The following GNE variants were observed in gnomAD, a reference collection of about 807,000 sequenced individuals.
GNE encodes bifunctional UDP-N-acetylglucosamine 2-epimerase/N-acetylmannosamine kinase.
GNE carries 41 observed loss-of-function variants against 61.8 expected under a neutral mutation model. That is an observed-to-expected ratio of 0.66 (90% CI 0.52 to 0.86). The LOEUF is 0.86. Among genes scored for constraint, GNE ranks in the 40% least tolerant of loss-of-function variants. The pLI, the probability that GNE is intolerant of heterozygous loss-of-function variation, is 0.00. For synonymous variants in GNE, 264 were observed against 326.4 expected, an observed-to-expected ratio of 0.81 and a Z score of 2.06; for missense variants, 608 against 909.1, an observed-to-expected ratio of 0.67 and a Z score of 4.26.
intron 1 of GNE, among the ~76,000 whole-genome samples, chr9:36,256,344 A>AAGCGATACTCCTATCTC (rs1442219726): frequency 2.1e-5 from 3 of 146,232 alleles, no homozygotes; most frequent in Non-Finnish European, 3.0e-5. Flanking sequence ...TCCTGGGTTC[A>AAGCGATACTCCTATCTC]AGCGATACTC....
chr9:36,240,472 C>T (rs180848679), intron 3 of GNE, among the ~76,000 whole-genome samples: 36 of 152,274 alleles, frequency 2.4e-4, no homozygotes, highest in African/African-American at 8.2e-4. Context: ...GACTTGTATA[C>T]ATTAAACCAT....
chr9:36,256,792 T>G (rs1009022959), intron 1 of GNE, among the ~76,000 whole-genome samples: 3 of 152,224 alleles, frequency 2.0e-5, no homozygotes, highest in Admixed American at 6.5e-5. Context: ...TGCCAAACAT[T>G]GTGCTAATAG....
intron 2 of GNE, among the ~76,000 whole-genome samples, chr9:36,247,361 TTTTTC>T (rs1450629253): frequency 6.6e-6 from 1 of 152,078 alleles, no homozygotes; most frequent in East Asian, 1.9e-4. Context: ...GGCCAAACCT[TTTTTC>T]TTTAAGAAAA....
intron 1 of GNE, among the ~76,000 whole-genome samples, chr9:36,257,178 C>G (rs1317145395): frequency 6.6e-6 from 1 of 152,148 alleles, no homozygotes; most frequent in East Asian, 1.9e-4. Flanking sequence ...TGAATGACTT[C>G]AGCGCTCAGA....
chr9:36,274,068 CTGTGTGTGTGTGTGTGTGTG>C (rs71336439), intron 1 of GNE, among the ~76,000 whole-genome samples: 98 of 142,310 alleles, frequency 6.9e-4, no homozygotes, highest in Middle Eastern at 3.6e-3. Flanking sequence ...GTCTATGGTA[CTGTGTGTGTGTGTGTGTGTG>C]TGTGTGTGTG....
chr9:36,237,644 A>C (rs1407335417), intron 3 of GNE, among the ~76,000 whole-genome samples: 1 of 111,900 alleles, frequency 8.9e-6, no homozygotes. Context: ...AGCTCCACTT[A>C]CTTTTTTTTT....
rs890802165 is a variant in GNE at position 36,217,259 on chromosome 9, G to A, written c.*106C>T. On this transcript the variant is annotated 3_prime_UTR_variant, in exon 12 of 12. Coordinates refer to ENST00000642385, the MANE Select transcript of GNE (RefSeq NM_005476.7). ...AAACATTTCTCTGCCAAAGTCACCT[G>A]CAGTTCAATACCAGATTTGATTGTT... 16 of 788,056 alleles carry A rather than the reference G, an allele frequency of 2.0e-5. No homozygotes were observed. Among genetic ancestry groups the A allele is most frequent in the Non-Finnish European group, 2.8e-5 (13 of 459,060 alleles). The allele number at this position is 788,056 out of a possible 1,614,324, so 48.8% of individuals were successfully genotyped here. A position where few individuals can be genotyped will look rare whatever the true frequency, so the allele number is the denominator to read the frequency against.
Position 36,236,814 on chromosome 9 carries a change from A to G in GNE, c.769+18T>C. ...TGGGAAAAGTAGGTGGCATAATTTC[A>G]TTTTCAAGTTCAATTACCTGCGTCA... is the stretch of plus-strand genomic sequence containing the variant. On this transcript the variant is annotated intron_variant, in intron 4 of 11. Transcript: ENST00000642385. 1 of 1,612,028 alleles carries G rather than the reference A, an allele frequency of 6.2e-7. No homozygotes were observed. The highest frequency in any genetic ancestry group is 8.5e-7 in the Non-Finnish European group (1 of 1,178,254).
At chr9:36,262,092 G>A (rs1292152368), upstream of GNE, among the ~76,000 whole-genome samples, 3 of 152,040 alleles carry the variant, frequency 2.0e-5, no homozygotes, top group African/African-American at 7.2e-5. Context: ...TTACATAGGT[G>A]TGTTTAGTTT....
At chr9:36,237,821 T>C (rs1048921869) in intron 3 of GNE, among the ~76,000 whole-genome samples, 4 of 151,190 alleles carry the variant, frequency 2.6e-5, no homozygotes, top group African/African-American at 9.7e-5. Context: ...CCTCCTACTC[T>C]TCCCCCCAAG....
chr9:36,276,159 C>T (rs993883977), intron 1 of GNE, among the ~76,000 whole-genome samples: 1 of 149,786 alleles, frequency 6.7e-6, no homozygotes. Context: ...GGTGACAGAG[C>T]AAGATCCTGT....
chr9:36,275,199 T>C (rs374060588), intron 1 of GNE, among the ~76,000 whole-genome samples: 44 of 152,218 alleles, frequency 2.9e-4, no homozygotes, highest in African/African-American at 9.9e-4. Context: ...CTGGGCTTTC[T>C]CTTCCGTCCT....
chr9:36,268,967 T>C (rs1290689010), intron 1 of GNE, among the ~76,000 whole-genome samples: 1 of 151,732 alleles, frequency 6.6e-6, no homozygotes, highest in Non-Finnish European at 1.5e-5. Context: ...CTATCTCTAC[T>C]AAAAATATAA....
At chr9:36,243,929 T>C (rs564874991) in intron 3 of GNE, among the ~76,000 whole-genome samples, 120 of 150,594 alleles carry the variant, frequency 8.0e-4, no homozygotes, top group African/African-American at 2.9e-3. Context: ...TCTTTTTCTT[T>C]CTGTGTTTTT....
At position 36,246,334 on chromosome 9, in the gene GNE, C is replaced by G. The variant is rs575704922; in HGVS notation, c.313G>C (p.Asp105His). 1 of 1,614,138 alleles carries G rather than the reference C, an allele frequency of 6.2e-7. No individual in the cohort carries two copies. Among genetic ancestry groups the G allele is most frequent in the East Asian group, 2.2e-5 (1 of 44,890 alleles). The change falls in exon 3 of 12, where the codon GAT becomes CAT. Residue 105 changes from aspartate to histidine, a missense_variant. Asp to His is a moderately conservative substitution (Grantham distance 81). Coordinates refer to ENST00000642385, the MANE Select transcript of GNE (RefSeq NM_005476.7). ...LPDVLNRLKP[D>H]IMIVHGDRFD... ...CTGTCTCCATGAACAATCATGATAT[C>G]AGGCTTCAGGCGATTAAGGACATCT...
intron 7 of GNE, 69 bp from the exon 8 acceptor site, chr9:36,223,571 C>A: frequency 1.3e-6 from 2 of 1,508,622 alleles, no homozygotes; most frequent in Non-Finnish European, 9.2e-7. Flanking sequence ...GTGTTGTGAT[C>A]TTTTTCATGA....
At chr9:36,217,724 C>T (rs1274262027) in intron 11 of GNE, 124 bp from the exon 12 acceptor site, 1 of 716,714 alleles carries the variant, frequency 1.4e-6, no homozygotes, top group East Asian at 2.7e-5. Flanking sequence ...CAGTGGGAGG[C>T]AGTGTTTTAA....
upstream of GNE, among the ~76,000 whole-genome samples, chr9:36,262,350 G>A (rs1416146088): frequency 5.3e-5 from 8 of 152,010 alleles, no homozygotes; most frequent in Non-Finnish European, 1.2e-4. Context: ...AATCTTTTTA[G>A]AATTTTCTTC....
Position 36,218,175 on chromosome 9 carries a change from A to G in GNE, c.1933+8T>C, listed in dbSNP as rs768321445. On this transcript the variant is annotated splice_region_variant and intron_variant, in intron 11 of 11. Transcript: ENST00000642385. This position sits in a 1 kb window ranked among gnomAD's most constrained non-coding sequence, Gnocchi z 4.1. The stretch of plus-strand genomic sequence containing the variant: ...CTGCAGCACAGCCACCTGCAGCCAC[A>G]TGCTCACCTGTTCTTAGGATGCTCT... 5.0e-6 allele frequency: 8 copies of G among 1,594,488 alleles called. No homozygotes were observed. Among genetic ancestry groups the G allele is most frequent in the Admixed American group, 1.7e-5 (1 of 59,996 alleles).
Sources: gnomAD v4.1 joint callset for allele counts (sites outside exome capture counted in the v4.1 genomes callset) on GRCh38, gnomAD v4.1.1 for gene constraint, Gnocchi (gnomAD v3.1) non-coding constraint, MANE v1.5 for transcripts, NCBI Gene and HGNC (gene_info 2026-07-23, HGNC 2026-07-21) for gene names.